Variants in PALS2 observed in about 807,000 individuals in gnomAD.
The protein encoded by PALS2 is protein PALS2.
In PALS2, 27 loss-of-function variants were observed where a neutral mutation model predicts 61.6. The observed-to-expected ratio is 0.44, with a 90% CI of 0.32 to 0.60. The LOEUF is 0.60. Ranked by LOEUF, PALS2 falls within the 20% of genes least tolerant of loss-of-function variation. The pLI, the probability that PALS2 is intolerant of heterozygous loss-of-function variation, is 0.05. For missense variants in PALS2, 554 were observed against 639.4 expected, an observed-to-expected ratio of 0.87 and a Z score of 1.44; for synonymous variants, 236 against 218.6, an observed-to-expected ratio of 1.08 and a Z score of -0.70.
At chr7:24,604,373 T>C (rs1562608985) in intron 1 of PALS2, among the ~76,000 whole-genome samples, 2 of 152,102 alleles carry the variant, frequency 1.3e-5, no homozygotes, top group Admixed American at 6.6e-5. Context: ...GAAAATTTCA[T>C]TGGATAGGCT....
chr7:24,627,683 A>T (rs540167559), intron 2 of PALS2, among the ~76,000 whole-genome samples: 1 of 152,206 alleles, frequency 6.6e-6, no homozygotes, highest in African/African-American at 2.4e-5. Context: ...GGTAAAGGGG[A>T]TACCATCACT....
In PALS2 at chr7:24,591,409, A is replaced by T. The variant is rs550272775; in HGVS notation, c.-3+17816A>T. 4.6e-5 allele frequency among the ~76,000 whole-genome samples: 7 copies of T among 152,262 alleles called. No homozygotes were observed. The South Asian group carries it at 1.5e-3, about 32-fold the overall frequency. ...CTTGACATACGTGGGCTCTTACCAT[A>T]AAGTCTAGCTATATAAAGCAAATCA... On this transcript the variant is annotated intron_variant, in intron 1 of 11. Transcript: ENST00000222644.
At chr7:24,622,783 G>A (rs995534696) in intron 1 of PALS2, among the ~76,000 whole-genome samples, 4 of 150,514 alleles carry the variant, frequency 2.7e-5, no homozygotes, top group African/African-American at 9.8e-5. Flanking sequence ...CTTATTAGGA[G>A]TAAAAGCACC....
At chr7:24,630,129 A>G (rs994960431) in intron 2 of PALS2, among the ~76,000 whole-genome samples, 2 of 152,224 alleles carry the variant, frequency 1.3e-5, no homozygotes, top group Non-Finnish European at 2.9e-5. Context: ...CATATACACC[A>G]TGGAATAGTA....
At chr7:24,607,579 G>A (rs1365401042) in intron 1 of PALS2, among the ~76,000 whole-genome samples, 1 of 120,460 alleles carries the variant, frequency 8.3e-6, no homozygotes, top group Non-Finnish European at 1.7e-5. Context: ...ATATATGTGT[G>A]TATATATACA....
intron 5 of PALS2, among the ~76,000 whole-genome samples, chr7:24,652,528 TC>T (rs1210658739): frequency 3.3e-5 from 5 of 151,756 alleles, no homozygotes; most frequent in Non-Finnish European, 7.4e-5. Flanking sequence ...AGGCGTGTCC[TC>T]CCATAAAGAA....
chr7:24,690,384 G>A lies in PALS2; in HGVS notation c.*2770G>A, dbSNP rs547105165. 2.0e-5 allele frequency: 3 copies of A among 152,258 alleles called. No individual in the cohort carries two copies. Among genetic ancestry groups the A allele is most frequent in the South Asian group, 2.1e-4 (1 of 4,818 alleles). 9.4% of individuals were successfully genotyped at this position (152,258 alleles called of 1,614,324 possible). ...AATTAGCTTTATGGAAGCGAAAATGGTTTAGAGTGGTGTTGAGCAATTGTT... is the reference window on the plus strand; with the variant it reads ...AATTAGCTTTATGGAAGCGAAAATGATTTAGAGTGGTGTTGAGCAATTGTT... On this transcript the variant is annotated 3_prime_UTR_variant, in exon 12 of 12. Coordinates refer to ENST00000222644, the MANE Select transcript of PALS2 (RefSeq NM_001303037.2).
rs1196373028 is a variant in PALS2, at chr7:24,596,802, G to A, written c.-3+23209G>A. Among the ~76,000 whole-genome samples the A allele has an allele frequency of 6.6e-6, 1 of 152,196 alleles. No homozygotes were observed. Among genetic ancestry groups the A allele is most frequent in the Non-Finnish European group, 1.5e-5 (1 of 68,044 alleles). ...CTGGACATAGTAGGAAGCATGGACT[G>A]TGGTGGGGAGAGATTGGGGATTAGT... On this transcript the variant is annotated intron_variant, in intron 1 of 11. Coordinates refer to ENST00000222644, the MANE Select transcript of PALS2 (RefSeq NM_001303037.2). The surrounding 1 kb of genome is among the most constrained non-coding windows in gnomAD (Gnocchi z 4.5).
intron 1 of PALS2, among the ~76,000 whole-genome samples, chr7:24,609,645 T>C (rs1379695214): frequency 6.6e-6 from 1 of 152,032 alleles, no homozygotes; most frequent in Non-Finnish European, 1.5e-5. Context: ...TCTCCCTTCC[T>C]CCATCCCTCC....
chr7:24,677,996 ATTAC>A (rs1474316221), intron 9 of PALS2, among the ~76,000 whole-genome samples: 2 of 152,182 alleles, frequency 1.3e-5, no homozygotes, highest in African/African-American at 4.8e-5. Flanking sequence ...TTTTATTCGG[ATTAC>A]TTTCTTAGTT....
chr7:24,653,161 A>G (rs915028713), intron 5 of PALS2, among the ~76,000 whole-genome samples: 14 of 152,194 alleles, frequency 9.2e-5, no homozygotes, highest in Non-Finnish European at 1.8e-4. Flanking sequence ...ACAAAATATT[A>G]GCAAATCAGA....
chr7:24,685,631 C>T lies in PALS2; in HGVS notation c.1447-1807C>T, dbSNP rs982427968. Among the ~76,000 whole-genome samples, 3 of 149,628 alleles carry T rather than the reference C, an allele frequency of 2.0e-5. No individual in the cohort carries two copies. In the South Asian group the frequency reaches 6.4e-4, roughly 32 times the overall value. On this transcript the variant is annotated intron_variant, in intron 11 of 11. Transcript: ENST00000222644. ...CCTGTTCCATCTGTATGGCATACTC[C>T]GTTATTGTTAACAGGGTTTTTTTTT... is the stretch of plus-strand genomic sequence containing the variant.
intron 9 of PALS2, among the ~76,000 whole-genome samples, chr7:24,676,726 TTG>T (rs1199127145): frequency 6.6e-6 from 1 of 151,102 alleles, no homozygotes; most frequent in African/African-American, 2.5e-5. Flanking sequence ...TTCTGTTCCA[TTG>T]ATCTGTATCT....
At chr7:24,609,748 AAG>A (rs1258088518) in intron 1 of PALS2, among the ~76,000 whole-genome samples, 2 of 151,788 alleles carry the variant, frequency 1.3e-5, no homozygotes, top group Non-Finnish European at 2.9e-5. Flanking sequence ...GCCCTCCCCA[AAG>A]AGAACAAACC....
chr7:24,637,418 T>A (rs1332408482), intron 2 of PALS2, among the ~76,000 whole-genome samples: 1 of 152,020 alleles, frequency 6.6e-6, no homozygotes, highest in African/African-American at 2.4e-5. Context: ...TCAAAAATTC[T>A]TTTTTATTTT....
chr7:24,662,254 G>A (rs934102744), intron 5 of PALS2, among the ~76,000 whole-genome samples: 3 of 152,084 alleles, frequency 2.0e-5, no homozygotes, highest in South Asian at 2.1e-4. Context: ...TGTATGCATC[G>A]ATCACAATAC....
chr7:24,600,575 T>G (rs752777933), intron 1 of PALS2, among the ~76,000 whole-genome samples: 1 of 152,160 alleles, frequency 6.6e-6, no homozygotes, highest in African/African-American at 2.4e-5. Flanking sequence ...TAAGGAAAAT[T>G]TATGGTGACA....
intron 5 of PALS2, among the ~76,000 whole-genome samples, chr7:24,657,815 T>C (rs1214832658): frequency 1.3e-5 from 2 of 152,196 alleles, no homozygotes; most frequent in Non-Finnish European, 1.5e-5. Context: ...TCTACAAGTT[T>C]TACAGTTCTA....
chr7:24,668,147 C>T (rs1303037299), intron 8 of PALS2, among the ~76,000 whole-genome samples: 1 of 150,688 alleles, frequency 6.6e-6, no homozygotes, highest in Non-Finnish European at 1.5e-5. Flanking sequence ...AGCAAGATCC[C>T]ATCTCTACAA....
Sources: allele counts gnomAD v4.1 joint callset (sites outside exome capture counted in the v4.1 genomes callset), GRCh38; gene constraint gnomAD v4.1.1; non-coding constraint Gnocchi (gnomAD v3.1); transcripts MANE v1.5; gene names NCBI Gene and HGNC (gene_info 2026-07-23, HGNC 2026-07-21).